Variants in PTPRS observed in about 807,000 individuals in gnomAD.
PTPRS encodes receptor-type tyrosine-protein phosphatase S.
Under a neutral mutation model 215.3 loss-of-function variants are expected in PTPRS, and 63 were observed. The observed-to-expected ratio is 0.29, with a 90% CI of 0.24 to 0.36. The LOEUF is 0.36. Among genes scored for constraint, PTPRS ranks in the 10% least tolerant of loss-of-function variants. PTPRS has a pLI of 1.00. For missense variants in PTPRS, 2,258 were observed against 2,825.8 expected (o/e 0.80, Z 4.56); for synonymous variants, 1,404 against 1,191.4 (o/e 1.18, Z -3.68).
chr19:5,269,219 G>A (rs556425300), intron 4 of PTPRS, among the ~76,000 whole-genome samples: 5 of 152,074 alleles, frequency 3.3e-5, no homozygotes, highest in African/African-American at 4.8e-5. Flanking sequence ...AGCAATTCCC[G>A]TGTGTATGTG....
chr19:5,220,278 C>T lies in PTPRS; in HGVS notation c.3531G>A (p.Glu1177=), dbSNP rs2041863381. ...CCCTCACCTCTTCCAGATCCATGTC[C>T]TCTGGGCTACCCAGCGGGGTCAGGA... is the stretch of plus-strand genomic sequence containing the variant. The part of the protein sequence containing the change: ...GQFLTPLGSP[E]DMDLEELIQD... The change falls in exon 21 of 38, where the codon GAG becomes GAA. Residue 1177 remains glutamate, a synonymous_variant. Transcript: ENST00000262963. 2 of 1,614,086 alleles carry T rather than the reference C, an allele frequency of 1.2e-6. No individual in the cohort carries two copies. Among genetic ancestry groups the T allele is most frequent in the Non-Finnish European group, 8.5e-7 (1 of 1,179,984 alleles).
In PTPRS at chr19:5,324,121, CG is replaced by C. The variant is rs1195146724; in HGVS notation, c.-95+16542del. ...GCACGTGCCTGTCATTCCAGCTACTCGGGAGGCTGAGGCAGGAGAATCGCTT... is the reference window on the plus strand; with the variant it reads ...GCACGTGCCTGTCATTCCAGCTACTCGGAGGCTGAGGCAGGAGAATCGCTT... On this transcript the variant is annotated intron_variant, in intron 1 of 37. Transcript: ENST00000262963. Among the ~76,000 whole-genome samples the C allele has an allele frequency of 2.0e-5, 3 of 146,918 alleles. No homozygotes were observed. In the East Asian group the frequency reaches 6.1e-4, roughly 30 times the overall value.
At position 5,210,820 on chromosome 19, in the gene PTPRS, G is replaced by A. The variant is rs1236692220; in HGVS notation, c.5235-15C>T. 1.2e-6 allele frequency: 2 copies of A among 1,612,086 alleles called. No individual in the cohort carries two copies. Among genetic ancestry groups the A allele is most frequent in the Non-Finnish European group, 1.7e-6 (2 of 1,179,646 alleles). On this transcript the variant is annotated splice_polypyrimidine_tract_variant and intron_variant, in intron 33 of 37. Coordinates refer to ENST00000262963, the MANE Select transcript of PTPRS (RefSeq NM_002850.4). This position sits in a 1 kb window ranked among gnomAD's most constrained non-coding sequence, Gnocchi z 4.5. ...CCTTCTGCTGCCTGCAGGCGTTGGG[G>A]GTATGAGCCCAGGGCCGGCAGGGAG...
intron 9 of PTPRS, among the ~76,000 whole-genome samples, chr19:5,248,852 G>T (rs1347638392): frequency 6.6e-6 from 1 of 152,202 alleles, no homozygotes; most frequent in Non-Finnish European, 1.5e-5. Flanking sequence ...AAAATGGAGG[G>T]AATTGGGTAT....
At chr19:5,333,664 G>GC (rs1266579301) in intron 1 of PTPRS, among the ~76,000 whole-genome samples, 1 of 151,662 alleles carries the variant, frequency 6.6e-6, no homozygotes, top group African/African-American at 2.4e-5. Flanking sequence ...TGTCCTTGGT[G>GC]CCCCCCACAC....
Position 5,206,665 on chromosome 19 carries a change from G to T in PTPRS, c.*109C>A, listed in dbSNP as rs190135190. ...ATGGTGCAGAAACACAGCTGCTGCC[G>T]CTGCCACCTCCTGCCCTGCCCACTG... On this transcript the variant is annotated 3_prime_UTR_variant, in exon 38 of 38. Transcript: ENST00000262963. 1.1e-6 allele frequency: 1 copy of T among 908,714 alleles called. No individual in the cohort carries two copies. The highest frequency in any genetic ancestry group is 1.5e-5 in the South Asian group (1 of 68,076). The allele number at this position is 908,714 out of a possible 1,614,324, so 56.3% of individuals were successfully genotyped here.
At chr19:5,322,373 C>T (rs1443070957) in intron 1 of PTPRS, among the ~76,000 whole-genome samples, 2 of 152,190 alleles carry the variant, frequency 1.3e-5, no homozygotes, top group East Asian at 1.9e-4. Flanking sequence ...GCACCACGTC[C>T]GTGGGCAGGC....
chr19:5,277,091 GCT>G (rs1367040701), intron 2 of PTPRS, among the ~76,000 whole-genome samples: 1 of 137,566 alleles, frequency 7.3e-6, no homozygotes, highest in African/African-American at 2.7e-5. Context: ...ACTGAGTCTC[GCT>G]CTGTCGCCCA....
chr19:5,335,281 AGCATCTCATGTCAAGGCTCGCC>A (rs1366394253), intron 1 of PTPRS, among the ~76,000 whole-genome samples: 23 of 152,232 alleles, frequency 1.5e-4, no homozygotes, highest in African/African-American at 5.5e-4. Flanking sequence ...GTTTACCCAC[AGCATCTCATGTCAAGGCTCGCC>A]GCGACGCAGA....
intron 9 of PTPRS, among the ~76,000 whole-genome samples, chr19:5,250,778 G>A (rs981889519): frequency 1.3e-5 from 2 of 150,316 alleles, no homozygotes; most frequent in East Asian, 2.0e-4. Context: ...GCAGGAAGAG[G>A]CAGAAACACA....
At position 5,212,115 on chromosome 19, in the gene PTPRS, C is replaced by T. The variant is rs2040955361; in HGVS notation, c.4905G>A (p.Glu1635=). The T allele has an allele frequency of 1.9e-6, 3 of 1,614,130 alleles. No individual in the cohort carries two copies. The highest frequency in any genetic ancestry group is 2.5e-6 in the Non-Finnish European group (3 of 1,180,058). ...RSQRNYMVQT[E]DQYSFIHEAL... ...CCTCGTGGATGAAGCTGTACTGGTCCTCCGTCTGCACCATGTAGTTGCGCT... is the reference window on the plus strand; with the variant it reads ...CCTCGTGGATGAAGCTGTACTGGTCTTCCGTCTGCACCATGTAGTTGCGCT... Residue 1635 remains glutamate (E), a synonymous_variant, in exon 32 of 38, where the codon GAG becomes GAA. Transcript: ENST00000262963.
In PTPRS at chr19:5,225,820, G is replaced by C. The variant is rs1469389508; in HGVS notation, c.2401C>G (p.Pro801Ala). Residue 801 changes from proline (P) to alanine (A), a missense_variant, in exon 17 of 38, where the codon CCT becomes GCT. Physicochemically the swap from Pro to Ala is conservative, Grantham distance 27. Around this residue, in one of 6 missense-constraint regions of PTPRS, gnomAD observed 371 missense variants for 446.7 expected, o/e 0.83. Transcript: ENST00000262963. ...ACCGTGATGGAGTACGCGGTCTCAG[G>C]CTGCAAGTTTGTGATGACCATCTCC... ...EYEMVITNLQ[P>A]ETAYSITVAA... 4 of 1,613,992 alleles carry C rather than the reference G, an allele frequency of 2.5e-6. No individual in the cohort carries two copies. Among genetic ancestry groups the C allele is most frequent in the Non-Finnish European group, 3.4e-6 (4 of 1,179,966 alleles).
rs375210897 is a variant in PTPRS, at chr19:5,297,954, G to A, written c.-94-11720C>T. 1.8e-4 allele frequency among the ~76,000 whole-genome samples: 28 copies of A among 151,886 alleles called. 1 individual carries two copies. In the Middle Eastern group the frequency reaches 0.017, roughly 92 times the overall value. ...ATTACAGGCGCACACCACCACGCCC[G>A]GCTAATTTTTTGGGTATTTTTAGTA... On this transcript the variant is annotated intron_variant, in intron 1 of 37. Transcript: ENST00000262963.
chr19:5,328,004 A>C (rs904126669), intron 1 of PTPRS, among the ~76,000 whole-genome samples: 3 of 152,070 alleles, frequency 2.0e-5, no homozygotes, highest in African/African-American at 7.2e-5. Context: ...AAGAAATCTC[A>C]CAGACTGTTT....
rs936962324 is a variant in PTPRS at position 5,206,644 on chromosome 19, T to G, written c.*130A>C. Reference sequence around the variant, plus strand: ...GGGGCTGCGTCGTCCTCGGAAATGGTGCAGAAACACAGCTGCTGCCGCTGC... The same window carrying G: ...GGGGCTGCGTCGTCCTCGGAAATGGGGCAGAAACACAGCTGCTGCCGCTGC... On this transcript the variant is annotated 3_prime_UTR_variant, in exon 38 of 38. Transcript: ENST00000262963. The G allele has an allele frequency of 2.6e-6, 2 of 783,184 alleles. No homozygotes were observed. Among genetic ancestry groups the G allele is most frequent in the African/African-American group, 3.5e-5 (2 of 57,280 alleles). 48.5% of individuals were successfully genotyped at this position (783,184 alleles called of 1,614,324 possible).
intron 9 of PTPRS, among the ~76,000 whole-genome samples, chr19:5,248,544 C>T (rs867982343): frequency 6.6e-6 from 1 of 152,142 alleles, no homozygotes; most frequent in African/African-American, 2.4e-5. Context: ...GGGTTTGGGG[C>T]GGCCACAGGG....
Position 5,286,006 on chromosome 19 carries a change from A to C in PTPRS, c.91+44T>G. 4 of 1,568,280 alleles carry C rather than the reference A, an allele frequency of 2.6e-6. No homozygotes were observed. The South Asian group carries it at 3.4e-5, about 13-fold the overall frequency. On this transcript the variant is annotated intron_variant, in intron 2 of 37. Transcript: ENST00000262963. ...CACACAGCCATAAATGCACACAGGT[A>C]AACAAACACGCAGACCCCTGCACAT...
chr19:5,274,745 C>A (rs534864674), intron 2 of PTPRS, among the ~76,000 whole-genome samples: 9 of 152,330 alleles, frequency 5.9e-5, no homozygotes, highest in East Asian at 1.9e-4. Context: ...CTGAACCCCC[C>A]CTCCATGGTG....
chr19:5,244,109 G>C lies in PTPRS; in HGVS notation c.1362C>G (p.Asn454Lys), dbSNP rs575771724. 4 of 1,608,438 alleles carry C rather than the reference G, an allele frequency of 2.5e-6. No homozygotes were observed. The highest frequency in any genetic ancestry group is 2.5e-6 in the Non-Finnish European group (3 of 1,178,644). ...IVQWEEPVEP[N>K]GLIRGYRVYY... ...AGACGCGGTAGCCGCGGATCAGGCC[G>C]TTGGGCTCCACCGGCTCCTCCCACT... The change falls in exon 11 of 38, where the codon AAC becomes AAG. Residue 454 changes from asparagine to lysine, a missense_variant. Physicochemically the swap from Asn to Lys is moderately conservative, Grantham distance 94. This residue lies in a region of PTPRS where 508 missense variants were observed against 799.4 expected (regional missense o/e 0.64). Coordinates refer to ENST00000262963, the MANE Select transcript of PTPRS (RefSeq NM_002850.4). The surrounding 1 kb of genome is among the most constrained non-coding windows in gnomAD (Gnocchi z 7.2).
Sources: allele counts gnomAD v4.1 joint callset (sites outside exome capture counted in the v4.1 genomes callset), GRCh38; gene constraint gnomAD v4.1.1; regional missense constraint gnomAD v4.1.1; non-coding constraint Gnocchi (gnomAD v3.1); transcripts MANE v1.5; gene names NCBI Gene and HGNC (gene_info 2026-07-23, HGNC 2026-07-21).